Variants in MMEL1 observed in about 807,000 individuals in gnomAD.
MMEL1 encodes the protein membrane metalloendopeptidase like 1.
A neutral mutation model predicts 117.1 loss-of-function variants in MMEL1; 98 were observed. The ratio of observed to expected loss-of-function variants is 0.84; its 90% confidence interval spans 0.71 to 0.99. The LOEUF (loss-of-function observed/expected upper bound fraction) is 0.99. Ranked by LOEUF, MMEL1 falls within the 50% of genes least tolerant of loss-of-function variation. MMEL1 has a pLI of 0.00. For missense variants in MMEL1, 1,014 were observed against 1,049.1 expected (o/e 0.97, Z 0.46); for synonymous variants, 390 against 415.1 (o/e 0.94, Z 0.74).
At chr1:2,627,672 T>C (rs1216902699) in intron 2 of MMEL1, among the ~76,000 whole-genome samples, 1 of 152,140 alleles carries the variant, frequency 6.6e-6, no homozygotes, top group African/African-American at 2.4e-5. Flanking sequence ...GTCTGGAAAT[T>C]AAAAAAATTT....
chr1:2,603,784 G>A lies in MMEL1; in HGVS notation c.1041+100C>T. The stretch of plus-strand genomic sequence containing the variant: ...GCTCGGGGATGGGGAATGTTTCTGA[G>A]CTTAAATGCCAGGCAACGTGCCCTC... On this transcript the variant is annotated intron_variant, in intron 11 of 23. Transcript: ENST00000378412. 3 of 1,065,596 alleles carry A rather than the reference G, an allele frequency of 2.8e-6. No homozygotes were observed. In the South Asian group the frequency reaches 4.2e-5, roughly 15 times the overall value. 66.0% of individuals were successfully genotyped at this position (1,065,596 alleles called of 1,614,324 possible). A position where few individuals can be genotyped will look rare whatever the true frequency, so the allele number is the denominator to read the frequency against.
chr1:2,591,970 G>C lies in MMEL1; in HGVS notation c.2125C>G (p.Leu709Val). 6.2e-7 allele frequency: 1 copy of C among 1,613,418 alleles called. No individual in the cohort carries two copies. The highest frequency in any genetic ancestry group is 1.1e-5 in the South Asian group (1 of 91,088). ...ATGAAGAAGAGCTGCTCATGGGTGAGATCCAGGCCGGGCAGCTGCTGGTCC... is the reference window on the plus strand; with the variant it reads ...ATGAAGAAGAGCTGCTCATGGGTGACATCCAGGCCGGGCAGCTGCTGGTCC... ...GKDQQLPGLDLTHEQLFFINY... is the reference protein window; with the variant it reads ...GKDQQLPGLDVTHEQLFFINY... Residue 709 changes from leucine to valine, a missense_variant, in exon 22 of 24, where the codon CTC becomes GTC. Leu to Val is a conservative substitution (Grantham distance 32). Coordinates refer to ENST00000378412, the MANE Select transcript of MMEL1 (RefSeq NM_033467.4).
chr1:2,620,795 G>A (rs1458347752), intron 2 of MMEL1, among the ~76,000 whole-genome samples: 6 of 149,444 alleles, frequency 4.0e-5, no homozygotes, highest in Admixed American at 1.3e-4. Flanking sequence ...AAAAAGCATG[G>A]GCCTTGTGGG....
Position 2,602,268 on chromosome 1 carries a change from T to G in MMEL1, c.1041+1616A>C, listed in dbSNP as rs1449822220. ...GGCTTCTGGGATGTCGGTGGTCACG[T>G]AAGTCTTGATCTGAGGGGTGATTGT... On this transcript the variant is annotated intron_variant, in intron 11 of 23. Transcript: ENST00000378412. 3.0e-5 allele frequency among the ~76,000 whole-genome samples: 3 copies of G among 99,374 alleles called. No homozygotes were observed. In the East Asian group the frequency reaches 1.0e-3, roughly 34 times the overall value. 65.2% of individuals were successfully genotyped at this position (99,374 alleles called of 152,430 possible).
At chr1:2,593,313 C>T (rs1424576726) in intron 19 of MMEL1, among the ~76,000 whole-genome samples, 2 of 152,230 alleles carry the variant, frequency 1.3e-5, no homozygotes, top group African/African-American at 4.8e-5. Context: ...TACGTGGTCC[C>T]TGGGGACAAG....
intron 9 of MMEL1, 82 bp downstream of exon 9, chr1:2,605,476 C>T (rs1645007423): frequency 8.1e-7 from 1 of 1,238,064 alleles, no homozygotes. Context: ...GGAGGGAAGG[C>T]CAGGTGGGCA....
At chr1:2,603,384 G>C (rs1036169506) in intron 11 of MMEL1, among the ~76,000 whole-genome samples, 8 of 152,184 alleles carry the variant, frequency 5.3e-5, no homozygotes, top group Admixed American at 4.6e-4. Flanking sequence ...CCCAGGCTGG[G>C]CTGCTCCTCT....
intron 11 of MMEL1, among the ~76,000 whole-genome samples, chr1:2,600,684 T>TCAAACAAACAAA (rs141426426): frequency 5.2e-4 from 79 of 151,412 alleles, no homozygotes; most frequent in African/African-American, 1.6e-3. Flanking sequence ...AGACCCTGTC[T>TCAAACAAACAAA]CAAACAAACA....
chr1:2,611,478 G>A (rs1645127934), intron 3 of MMEL1, 138 bp from the exon 4 acceptor site: 1 of 465,120 alleles, frequency 2.1e-6, no homozygotes, highest in Non-Finnish European at 3.8e-6. Flanking sequence ...CAAGGTCAGG[G>A]TGGGTGGAGC....
Position 2,606,355 on chromosome 1 carries a change from C to A in MMEL1, c.643G>T (p.Glu215Ter), listed in dbSNP as rs756329188. Residue 215 changes from glutamate to a stop codon, truncating the protein, a stop_gained, in exon 8 of 24, where the codon GAG (glutamate) becomes TAG (stop). Coordinates refer to ENST00000378412, the MANE Select transcript of MMEL1 (RefSeq NM_033467.4). LOFTEE classifies it high-confidence loss of function. ...ATCAGCGCCAGCTGCCGCTCCAGCT[C>A]CCACTCGAGTCCTGGGGAGACAGTG... ...RWNETVGLEWELERQLALMNS... is the reference protein window; with the variant it reads ...RWNETVGLEW 171 of 1,611,650 alleles carry A rather than the reference C, an allele frequency of 1.1e-4. No individual in the cohort carries two copies. Among genetic ancestry groups the A allele is most frequent in the Non-Finnish European group, 1.4e-4 (163 of 1,179,662 alleles).
In MMEL1 at chr1:2,598,243, G is replaced by A. The variant is rs1644877648; in HGVS notation, c.1236C>T (p.Ser412=). ...TCACTCGTGTGTCCTTGAATCTCTG[G>A]CTTAGGCTACCAATGCGGTCCAGCA... ...RLVLDRIGSL[S]QRFKDTRVNY... Residue 412 remains serine, a synonymous_variant, in exon 13 of 24, where the codon AGC becomes AGT. Coordinates refer to ENST00000378412, the MANE Select transcript of MMEL1 (RefSeq NM_033467.4). 1 of 1,614,004 alleles carries A rather than the reference G, an allele frequency of 6.2e-7. No homozygotes were observed. The highest frequency in any genetic ancestry group is 1.3e-5 in the African/African-American group (1 of 74,932).
chr1:2,630,552 T>C (rs577974995), intron 1 of MMEL1, among the ~76,000 whole-genome samples: 1 of 146,634 alleles, frequency 6.8e-6, no homozygotes, highest in Admixed American at 6.9e-5. Flanking sequence ...TCTACGCTCA[T>C]GTGTGCATGT....
chr1:2,598,929 G>GT (rs1381701250), intron 11 of MMEL1, 139 bp from the exon 12 acceptor site: 2 of 706,142 alleles, frequency 2.8e-6, no homozygotes, highest in African/African-American at 3.6e-5. Flanking sequence ...TCAGGAAAGG[G>GT]TGGGTGACAT....
At chr1:2,623,966 G>A (rs570284993) in intron 2 of MMEL1, among the ~76,000 whole-genome samples, 1 of 152,300 alleles carries the variant, frequency 6.6e-6, no homozygotes, top group South Asian at 2.1e-4. Context: ...CAGAATCCTA[G>A]ACTGACATCA....
chr1:2,621,060 G>T lies in MMEL1; in HGVS notation c.154+8271C>A, dbSNP rs1645282420. ...AGCACTTTGGGAGGCTGAGGCAGGAGGACTGCTTGAGCCCAGGAGTTTGAG... is the reference window on the plus strand; with the variant it reads ...AGCACTTTGGGAGGCTGAGGCAGGATGACTGCTTGAGCCCAGGAGTTTGAG... On this transcript the variant is annotated intron_variant, in intron 2 of 23. Coordinates refer to ENST00000378412, the MANE Select transcript of MMEL1 (RefSeq NM_033467.4). Among the ~76,000 whole-genome samples the T allele has an allele frequency of 2.0e-5, 3 of 152,334 alleles. No homozygotes were observed. In the South Asian group the frequency reaches 6.2e-4, roughly 32 times the overall value.
Position 2,606,361 on chromosome 1 carries a change from C to T in MMEL1, c.637G>A (p.Glu213Lys), listed in dbSNP as rs559978146. 6.6e-5 allele frequency: 107 copies of T among 1,611,098 alleles called. No individual in the cohort carries two copies. Among genetic ancestry groups the T allele is most frequent in the Middle Eastern group, 1.6e-4 (1 of 6,074 alleles). ...GCCAGCTGCCGCTCCAGCTCCCACT[C>T]GAGTCCTGGGGAGACAGTGCCCCGC... is the stretch of plus-strand genomic sequence containing the variant. ...MDRWNETVGL[E>K]WELERQLALM... Residue 213 changes from glutamate to lysine, a missense_variant, in exon 8 of 24, where the codon GAG becomes AAG. Physicochemically the swap from Glu to Lys is moderately conservative, Grantham distance 56. Transcript: ENST00000378412.
chr1:2,615,570 G>A (rs1045116027), intron 2 of MMEL1, among the ~76,000 whole-genome samples: 1 of 152,206 alleles, frequency 6.6e-6, no homozygotes, highest in African/African-American at 2.4e-5. Context: ...GGACATGAGG[G>A]AAAACGGGGA....
chr1:2,617,056 G>A (rs1645212273), intron 2 of MMEL1, among the ~76,000 whole-genome samples: 1 of 152,162 alleles, frequency 6.6e-6, no homozygotes, highest in South Asian at 2.1e-4. Flanking sequence ...AAGGAAGCTG[G>A]ATCACTTGAG....
chr1:2,630,622 C>T (rs917910454), intron 1 of MMEL1, among the ~76,000 whole-genome samples: 11 of 144,232 alleles, frequency 7.6e-5, no homozygotes, highest in Admixed American at 2.8e-4. Flanking sequence ...TGTGACTGCA[C>T]GTGTGTGCCT....
Sources: gnomAD v4.1 joint callset for allele counts (sites outside exome capture counted in the v4.1 genomes callset) on GRCh38, gnomAD v4.1.1 for gene constraint, MANE v1.5 for transcripts, NCBI Gene and HGNC (gene_info 2026-07-23, HGNC 2026-07-21) for gene names.